The following TNS1 variants were observed in gnomAD, a reference collection of about 807,000 sequenced individuals.
TNS1 encodes tensin 1.
In TNS1, 62 loss-of-function variants were observed where a neutral mutation model predicts 168.6. The observed-to-expected ratio is 0.37, with a 90% CI of 0.30 to 0.45. TNS1 has a LOEUF of 0.45. Ranked by LOEUF, TNS1 falls within the 20% of genes least tolerant of loss-of-function variation. The probability of loss-of-function intolerance (pLI) is 1.00; values close to 1 mark genes in which losing one functional copy is unlikely to be tolerated. For synonymous variants in TNS1, 934 were observed against 933.2 expected, an observed-to-expected ratio of 1.00 and a Z score of -0.02; for missense variants, 2,240 against 2,339.4, an observed-to-expected ratio of 0.96 and a Z score of 0.88.
In TNS1 at chr2:218,033,416, C is replaced by T. The variant is rs1212704692; in HGVS notation, c.156+404G>A. On this transcript the variant is annotated intron_variant, in intron 1 of 1. Coordinates refer to the TNS1 transcript ENST00000649572. This position sits in a 1 kb window ranked among gnomAD's most constrained non-coding sequence, Gnocchi z 4.3. ...TCCAGTGGGGCCCCCACCCTCCTAA[C>T]TCCAGAGTCCTCCTAAATGAAGGGA... Among the ~76,000 whole-genome samples the T allele has an allele frequency of 6.6e-6, 1 of 152,182 alleles. No homozygotes were observed. Among genetic ancestry groups the T allele is most frequent in the Middle Eastern group, 3.2e-3 (1 of 316 alleles).
At chr2:217,962,215 G>A (rs774299678) in intron 3 of TNS1, among the ~76,000 whole-genome samples, 13 of 152,314 alleles carry the variant, frequency 8.5e-5, no homozygotes, top group African/African-American at 2.4e-4. Flanking sequence ...ATGCCGAGGC[G>A]GGTGGATCAC....
At chr2:218,030,348 G>A (rs1958881661) in intron 1 of TNS1, among the ~76,000 whole-genome samples, 1 of 152,158 alleles carries the variant, frequency 6.6e-6, no homozygotes, top group South Asian at 2.1e-4. Context: ...CCTTCCCGGT[G>A]CAATCCCTCT....
chr2:217,817,707 G>C lies in TNS1; in HGVS notation c.4625C>G (p.Ser1542Cys). ...VSFSHTLPDF[S>C]KYSMPDNSPE... is the part of the protein sequence containing the mutation. The stretch of plus-strand genomic sequence containing the variant: ...AGGCCCACCTGGCATGGAGTACTTG[G>C]AGAAGTCGGGCAGAGTGTGGGAGAA... The change falls in exon 24 of 33, where the codon TCC becomes TGC. Residue 1542 changes from serine (S) to cysteine (C), a missense_variant. By Grantham distance (112) the Ser-to-Cys change is moderately radical (BLOSUM62 -1). Around this residue, in one of 2 missense-constraint regions of TNS1, gnomAD observed 2,131 missense variants for 2,171.2 expected, o/e 0.98. Coordinates refer to ENST00000682258, the MANE Select transcript of TNS1 (RefSeq NM_001387777.1). 1 of 1,598,350 alleles carries C rather than the reference G, an allele frequency of 6.3e-7. No individual in the cohort carries two copies. Among genetic ancestry groups the C allele is most frequent in the Non-Finnish European group, 8.6e-7 (1 of 1,168,650 alleles).
In TNS1 at chr2:218,032,096, T is replaced by C. The variant is rs953502101; in HGVS notation, c.156+1724A>G. ...CAACCTCTTGCTCCTGAGGCTGACA[T>C]GTGGGACCATAGGAGGGCTCAGGGT... is the stretch of plus-strand genomic sequence containing the variant. On this transcript the variant is annotated intron_variant, in intron 1 of 1. Transcript: ENST00000649572. The surrounding 1 kb of genome is among the most constrained non-coding windows in gnomAD (Gnocchi z 4.0). Among the ~76,000 whole-genome samples, 3 of 152,150 alleles carry C rather than the reference T, an allele frequency of 2.0e-5. No individual in the cohort carries two copies. Among genetic ancestry groups the C allele is most frequent in the East Asian group, 1.9e-4 (1 of 5,188 alleles).
chr2:217,817,676 G>T lies in TNS1; in HGVS notation c.4642+14C>A, dbSNP rs200865894. 8.0e-5 allele frequency: 126 copies of T among 1,571,200 alleles called. 1 individual carries two copies. Among genetic ancestry groups the T allele is most frequent in the Non-Finnish European group, 1.4e-5 (16 of 1,153,484 alleles). The stretch of plus-strand genomic sequence containing the variant: ...TCAGCAGGAGAGGTGAAAATGGAAG[G>T]GGGAGAGGCCCACCTGGCATGGAGT... On this transcript the variant is annotated intron_variant, in intron 24 of 32. Coordinates refer to ENST00000682258, the MANE Select transcript of TNS1 (RefSeq NM_001387777.1).
intron 3 of TNS1, among the ~76,000 whole-genome samples, chr2:217,969,502 C>G (rs571294062): frequency 1.3e-5 from 2 of 150,698 alleles, no homozygotes; most frequent in Non-Finnish European, 2.9e-5. Context: ...TTAAGACAAC[C>G]AGAGAATAGA....
At chr2:217,826,223 G>A (rs560359521) in intron 22 of TNS1, among the ~76,000 whole-genome samples, 1 of 152,272 alleles carries the variant, frequency 6.6e-6, no homozygotes, top group Admixed American at 6.5e-5. Context: ...GAGCGGGAAG[G>A]ACCTTTGAGA....
intron 16 of TNS1, among the ~76,000 whole-genome samples, chr2:217,884,514 C>G (rs1219384189): frequency 6.6e-6 from 1 of 152,162 alleles, no homozygotes; most frequent in East Asian, 1.9e-4. Context: ...GAAAATGGTT[C>G]CCCCTTGCTG....
chr2:217,959,509 T>C (rs1039146064), intron 3 of TNS1, among the ~76,000 whole-genome samples: 40 of 151,890 alleles, frequency 2.6e-4, no homozygotes, highest in African/African-American at 9.2e-4. Flanking sequence ...TCATGGAACC[T>C]GGTGTCTTAG....
chr2:217,912,447 T>C (rs1954532360), intron 4 of TNS1, among the ~76,000 whole-genome samples: 1 of 126,876 alleles, frequency 7.9e-6, no homozygotes, highest in South Asian at 2.4e-4. Flanking sequence ...TCTGGGGGGC[T>C]TGGGGGCCAA....
At chr2:217,859,331 C>A (rs896770353) in intron 18 of TNS1, 6 of 380,674 alleles carry the variant, frequency 1.6e-5, no homozygotes, top group Admixed American at 4.2e-5. Context: ...AGCTGCTGAA[C>A]AATAAGGTGG....
At chr2:217,951,685 G>T (rs887706808) in intron 3 of TNS1, among the ~76,000 whole-genome samples, 2 of 152,094 alleles carry the variant, frequency 1.3e-5, no homozygotes, top group African/African-American at 4.8e-5. Context: ...CCTCAAGGCG[G>T]CTCCCACCAC....
At chr2:217,847,403 AC>A (rs1289690208) in intron 19 of TNS1, 106 bp downstream of exon 19, 3 of 1,123,708 alleles carry the variant, frequency 2.7e-6, no homozygotes, top group Non-Finnish European at 2.3e-6. Context: ...GCCTCCTCCC[AC>A]CAGTGAAAGC....
chr2:217,970,909 T>TAA (rs1162881945), intron 3 of TNS1, among the ~76,000 whole-genome samples: 1 of 145,640 alleles, frequency 6.9e-6, no homozygotes, highest in African/African-American at 2.5e-5. Context: ...ATAAAGTTGT[T>TAA]AAAAAAAAAA....
At chr2:217,805,589 ACAC>A (rs1162402971) in intron 32 of TNS1, among the ~76,000 whole-genome samples, 1 of 188 alleles carries the variant, frequency 5.3e-3, no homozygotes, top group African/African-American at 0.038. Context: ...CACACAACAC[ACAC>A]CACCACACAC....
rs1326122913 is a variant in TNS1, at chr2:217,821,653, G to A, written c.3572+87C>T. On this transcript the variant is annotated intron_variant, in intron 23 of 32. Transcript: ENST00000682258. ...ATGCTTTCTGCCTGTCCACGCCATA[G>A]GCAACAGATCCAGGAGGCCTCACCC... 3.1e-6 allele frequency: 4 copies of A among 1,301,014 alleles called. No homozygotes were observed. The African/African-American group carries it at 4.6e-5, about 15-fold the overall frequency. The allele number at this position is 1,301,014 out of a possible 1,614,324, so 80.6% of individuals were successfully genotyped here.
At chr2:218,023,809 G>A (rs997102291) in intron 1 of TNS1, among the ~76,000 whole-genome samples, 3 of 152,106 alleles carry the variant, frequency 2.0e-5, no homozygotes, top group African/African-American at 7.2e-5. Flanking sequence ...TTGTTTTGTT[G>A]CCGTGAGGCT....
intron 3 of TNS1, among the ~76,000 whole-genome samples, chr2:217,965,347 TTA>T (rs1957599343): frequency 6.6e-6 from 1 of 152,160 alleles, no homozygotes; most frequent in Admixed American, 6.5e-5. Flanking sequence ...GTCACCATTT[TTA>T]TACAGCTGAG....
At chr2:217,895,377 A>T (rs1419195395) in intron 8 of TNS1, among the ~76,000 whole-genome samples, 2 of 152,230 alleles carry the variant, frequency 1.3e-5, no homozygotes, top group Non-Finnish European at 2.9e-5. Context: ...GTAGGTCCTC[A>T]GGATGAAAAG....
Sources: gnomAD v4.1 joint callset for allele counts (sites outside exome capture counted in the v4.1 genomes callset) on GRCh38, gnomAD v4.1.1 for gene constraint, gnomAD v4.1.1 regional missense constraint, Gnocchi (gnomAD v3.1) non-coding constraint, MANE v1.5 for transcripts, NCBI Gene and HGNC (gene_info 2026-07-23, HGNC 2026-07-21) for gene names.